IFT81: variants seen among roughly 807,000 people sequenced by gnomAD.
The protein encoded by IFT81 is intraflagellar transport 81, also known as intraflagellar transport protein 81 homolog.
Under a neutral mutation model 102.6 loss-of-function variants are expected in IFT81, and 72 were observed. That is an observed-to-expected ratio of 0.70 (90% CI 0.58 to 0.85). IFT81 has a LOEUF of 0.85. Ranked by LOEUF, IFT81 falls within the 40% of genes least tolerant of loss-of-function variation. The pLI is 0.00. For synonymous variants in IFT81, 237 were observed against 242.7 expected, an observed-to-expected ratio of 0.98 and a Z score of 0.22; for missense variants, 723 against 787.3, an observed-to-expected ratio of 0.92 and a Z score of 0.98.
At position 110,192,614 on chromosome 12, in the gene IFT81, C is replaced by G; in HGVS notation, c.1468-3C>G. On this transcript the variant is annotated splice_polypyrimidine_tract_variant and splice_region_variant and intron_variant, in intron 13 of 18. Coordinates refer to ENST00000242591, the MANE Select transcript of IFT81 (RefSeq NM_014055.4). ...GGTGTTATATTTTTTGTTCAAATAA[C>G]AGGTGAAAAAACTGTATTCATTGGT... The G allele has an allele frequency of 6.7e-7, 1 of 1,485,812 alleles. No individual in the cohort carries two copies. Among genetic ancestry groups the G allele is most frequent in the Non-Finnish European group, 9.1e-7 (1 of 1,097,686 alleles). 92.0% of individuals were successfully genotyped at this position (1,485,812 alleles called of 1,614,324 possible). A position where few individuals can be genotyped will look rare whatever the true frequency, so the allele number is the denominator to read the frequency against.
chr12:110,150,819 A>G (rs1375856462), intron 10 of IFT81, among the ~76,000 whole-genome samples: 2 of 152,080 alleles, frequency 1.3e-5, no homozygotes, highest in African/African-American at 4.8e-5. Flanking sequence ...TCCTTCCCAC[A>G]TAGGTATTTT....
intron 11 of IFT81, 124 bp from the exon 12 acceptor site, chr12:110,180,298 A>C (rs1351377430): frequency 3.2e-6 from 1 of 309,462 alleles, no homozygotes. Flanking sequence ...CGAAATTATT[A>C]TATACGTGTG....
intron 12 of IFT81, among the ~76,000 whole-genome samples, chr12:110,185,800 A>T (rs1410044531): frequency 6.6e-6 from 1 of 151,090 alleles, no homozygotes; most frequent in Non-Finnish European, 1.5e-5. Flanking sequence ...GGGTCTCACT[A>T]TGTTGTCCAG....
At chr12:110,209,450 G>A (rs1566172538) in intron 18 of IFT81, among the ~76,000 whole-genome samples, 1 of 152,166 alleles carries the variant, frequency 6.6e-6, no homozygotes, top group Non-Finnish European at 1.5e-5. Flanking sequence ...GAGAGTTCAT[G>A]ATAATGTTCT....
chr12:110,136,124 A>G (rs909673498), intron 7 of IFT81, among the ~76,000 whole-genome samples: 2 of 152,200 alleles, frequency 1.3e-5, no homozygotes, highest in African/African-American at 4.8e-5. Flanking sequence ...TACCCTCTGC[A>G]GTTTACTACA....
chr12:110,127,994 G>A (rs994030493), intron 2 of IFT81, 52 bp from the exon 3 acceptor site: 16 of 1,234,946 alleles, frequency 1.3e-5, no homozygotes, highest in Non-Finnish European at 1.7e-5. Context: ...TTTAAATATT[G>A]TCCTTTGTTA....
chr12:110,180,439 TAAACTTCGAAGCA>T lies in IFT81; in HGVS notation c.1208_1220del (p.Lys403ArgfsTer11), dbSNP rs1463997351. The T allele has an allele frequency of 4.4e-6, 7 of 1,604,864 alleles. No homozygotes were observed. Among genetic ancestry groups the T allele is most frequent in the Non-Finnish European group, 6.0e-6 (7 of 1,173,260 alleles). On this transcript the variant is annotated frameshift_variant, in exon 12 of 19. Transcript: ENST00000242591. LOFTEE classifies it high-confidence loss of function. ...TTTTACAGTTCAAACGATATGTCAATAAACTTCGAAGCAAGAGTACAGTTTTCAAAAAGAAGCA... is the reference window on the plus strand; with the variant it reads ...TTTTACAGTTCAAACGATATGTCAATAGAGTACAGTTTTCAAAAAGAAGCA...
At chr12:110,189,521 G>A (rs1452990703) in intron 12 of IFT81, among the ~76,000 whole-genome samples, 1 of 151,672 alleles carries the variant, frequency 6.6e-6, no homozygotes, top group Non-Finnish European at 1.5e-5. Context: ...GCTAATTTTT[G>A]TATTTTTAGT....
At chr12:110,128,733 CT>C (rs1268133381) in intron 3 of IFT81, among the ~76,000 whole-genome samples, 2 of 132,182 alleles carry the variant, frequency 1.5e-5, no homozygotes, top group African/African-American at 2.9e-5. Flanking sequence ...GAGGTTAAGG[CT>C]TTGGTGAGCT....
At chr12:110,136,946 T>C in intron 8 of IFT81, 86 bp downstream of exon 8, 1 of 810,646 alleles carries the variant, frequency 1.2e-6, no homozygotes, top group Non-Finnish European at 2.0e-6. Flanking sequence ...TTGTGAGAAT[T>C]AGTTATCATC....
At chr12:110,150,263 C>T (rs140078058) in intron 10 of IFT81, among the ~76,000 whole-genome samples, 102 of 152,146 alleles carry the variant, frequency 6.7e-4, no homozygotes, top group Middle Eastern at 6.8e-3. Flanking sequence ...CATTCCACCA[C>T]GTCCGGCTCA....
intron 1 of IFT81, among the ~76,000 whole-genome samples, chr12:110,125,307 T>G (rs955854235): frequency 6.6e-6 from 1 of 152,212 alleles, no homozygotes; most frequent in African/African-American, 2.4e-5. Context: ...CCATGGTGGT[T>G]ATCCTTCCTA....
intron 10 of IFT81, among the ~76,000 whole-genome samples, chr12:110,154,283 C>T (rs944440319): frequency 1.3e-5 from 2 of 150,584 alleles, no homozygotes; most frequent in Non-Finnish European, 3.0e-5. Flanking sequence ...GCCGAGATCA[C>T]GCCATTGCAC....
At chr12:110,192,314 A>T (rs1897833787) in intron 13 of IFT81, among the ~76,000 whole-genome samples, 1 of 152,232 alleles carries the variant, frequency 6.6e-6, no homozygotes, top group Non-Finnish European at 1.5e-5. Context: ...TACATAAATA[A>T]TACATCATGA....
At chr12:110,182,266 T>C (rs1304324588) in intron 12 of IFT81, among the ~76,000 whole-genome samples, 1 of 152,206 alleles carries the variant, frequency 6.6e-6, no homozygotes, top group Non-Finnish European at 1.5e-5. Flanking sequence ...ATAGCTTCTA[T>C]AGGATTCTAG....
intron 11 of IFT81, among the ~76,000 whole-genome samples, chr12:110,170,186 C>T (rs1488973691): frequency 1.3e-5 from 2 of 152,112 alleles, no homozygotes; most frequent in African/African-American, 4.8e-5. Flanking sequence ...ATCTCCTGAC[C>T]TCATGATCCA....
intron 4 of IFT81, 95 bp downstream of exon 4, chr12:110,129,225 T>A: frequency 1.1e-6 from 1 of 900,498 alleles, no homozygotes; most frequent in South Asian, 1.7e-5. Context: ...GCTGTCTTTG[T>A]AGTTCCAAGT....
chr12:110,172,865 G>C (rs1253493423), intron 11 of IFT81, among the ~76,000 whole-genome samples: 1 of 152,254 alleles, frequency 6.6e-6, no homozygotes, highest in African/African-American at 2.4e-5. Flanking sequence ...GGGATGTGAG[G>C]AGCCCCTCTG....
chr12:110,200,790 AC>A (rs1442500345), intron 14 of IFT81, among the ~76,000 whole-genome samples: 1 of 151,978 alleles, frequency 6.6e-6, no homozygotes, highest in Admixed American at 6.6e-5. Context: ...TCTACTAAAA[AC>A]ACAAAAAAAT....
Sources: allele counts gnomAD v4.1 joint callset (sites outside exome capture counted in the v4.1 genomes callset), GRCh38; gene constraint gnomAD v4.1.1; transcripts MANE v1.5; gene names NCBI Gene and HGNC (gene_info 2026-07-23, HGNC 2026-07-21).